Variants in CYP3A4 observed in about 807,000 individuals in gnomAD.
CYP3A4 encodes the protein cytochrome P450 family 3 subfamily A member 4.
A neutral mutation model predicts 54.9 loss-of-function variants in CYP3A4; 41 were observed. The observed-to-expected ratio is 0.75, with a 90% CI of 0.58 to 0.97. The LOEUF is 0.97. CYP3A4 is among the 50% of genes least tolerant of loss of function. The probability of loss-of-function intolerance (pLI) is 0.00; values close to 1 mark genes in which losing one functional copy is unlikely to be tolerated. For missense variants in CYP3A4, 510 were observed against 597.3 expected (o/e 0.85, Z 1.52); for synonymous variants, 179 against 205.2 (o/e 0.87, Z 1.09).
rs1815209410 is a variant in CYP3A4 at position 99,757,653 on chromosome 7, A to G, written c.*480T>C. 1.9e-5 allele frequency: 3 copies of G among 158,968 alleles called. No homozygotes were observed. Among genetic ancestry groups the G allele is most frequent in the African/African-American group, 7.2e-5 (3 of 41,472 alleles). The allele number at this position is 158,968 out of a possible 1,614,324, so 9.8% of individuals were successfully genotyped here. ...ATTCAGTTCTATAGATTTCTCCTTA[A>G]TGTGCAGGAAAGCATCTGATAATAC... On this transcript the variant is annotated 3_prime_UTR_variant, in exon 13 of 13. Transcript: ENST00000651514.
At chr7:99,763,780 T>C (rs1815402983) in intron 10 of CYP3A4, 75 bp downstream of exon 10, 4 of 1,548,306 alleles carry the variant, frequency 2.6e-6, no homozygotes, top group Admixed American at 3.7e-5. Flanking sequence ...ATAAAAATTC[T>C]CCTGGGAAGT....
chr7:99,766,521 T>A (rs1049258190), intron 8 of CYP3A4, 78 bp from the exon 9 acceptor site: 3 of 1,575,976 alleles, frequency 1.9e-6, no homozygotes, highest in Non-Finnish European at 2.6e-6. Context: ...TGGTCCTTGA[T>A]CTCCCTTCTG....
At chr7:99,764,075 G>A (rs773641801) in intron 9 of CYP3A4, 60 bp from the exon 10 acceptor site, 14 of 1,609,084 alleles carry the variant, frequency 8.7e-6, no homozygotes, top group Non-Finnish European at 1.2e-5. Context: ...TCACAGTTTA[G>A]ATGAAGAGAA....
At chr7:99,768,104 G>A (rs1388182546) in intron 7 of CYP3A4, among the ~76,000 whole-genome samples, 1 of 152,168 alleles carries the variant, frequency 6.6e-6, no homozygotes, top group Non-Finnish European at 1.5e-5. Context: ...GAAGCAGAAA[G>A]TTGATTAGTG....
intron 3 of CYP3A4, among the ~76,000 whole-genome samples, chr7:99,775,805 C>T (rs1236314191): frequency 1.3e-5 from 2 of 152,018 alleles, no homozygotes; most frequent in Non-Finnish European, 2.9e-5. Context: ...AAATATAACA[C>T]CAAAAGCAAT....
intron 12 of CYP3A4, among the ~76,000 whole-genome samples, chr7:99,759,424 GCACA>G (rs28988598): frequency 6.6e-6 from 1 of 151,052 alleles, no homozygotes; most frequent in Admixed American, 6.6e-5. Flanking sequence ...GCCCACATGT[GCACA>G]CACACACACA....
At chr7:99,765,822 T>C (rs769297622) in intron 9 of CYP3A4, among the ~76,000 whole-genome samples, 47 of 152,168 alleles carry the variant, frequency 3.1e-4, no homozygotes, top group Non-Finnish European at 6.3e-4. Context: ...AAGTTACTAA[T>C]CCATTCCAAA....
At chr7:99,763,460 G>A (rs1244598947) in intron 10 of CYP3A4, among the ~76,000 whole-genome samples, 2 of 152,102 alleles carry the variant, frequency 1.3e-5, no homozygotes, top group Admixed American at 6.6e-5. Context: ...AAATTCCTGT[G>A]TCCATATGTG....
intron 10 of CYP3A4, among the ~76,000 whole-genome samples, chr7:99,763,395 C>CA (rs4646439): frequency 6.2e-4 from 90 of 146,092 alleles, no homozygotes; most frequent in East Asian, 5.3e-3. Flanking sequence ...TGTTACCTTT[C>CA]AAAAAAAAAA....
At chr7:99,762,744 A>G (rs1337130289) in intron 10 of CYP3A4, among the ~76,000 whole-genome samples, 2 of 152,158 alleles carry the variant, frequency 1.3e-5, no homozygotes, top group Non-Finnish European at 2.9e-5. Flanking sequence ...GGATGTAACC[A>G]GAGAACACGA....
chr7:99,778,335 CCT>C (rs1815827149), intron 2 of CYP3A4, among the ~76,000 whole-genome samples: 1 of 152,146 alleles, frequency 6.6e-6, no homozygotes, highest in South Asian at 2.1e-4. Flanking sequence ...ATACTAAGTA[CCT>C]CTTTGTCTTT....
chr7:99,764,151 G>C, intron 9 of CYP3A4, 136 bp from the exon 10 acceptor site: 1 of 1,311,112 alleles, frequency 7.6e-7, no homozygotes, highest in Non-Finnish European at 1.0e-6. Flanking sequence ...GTACACTGGG[G>C]GTGGTTTCAT....
chr7:99,780,168 G>T, intron 1 of CYP3A4, 83 bp from the exon 2 acceptor site: 1 of 1,352,902 alleles, frequency 7.4e-7, no homozygotes, highest in East Asian at 2.4e-5. Flanking sequence ...TGAGGAACTG[G>T]AATGCTCAAG....
At chr7:99,763,134 T>G (rs774857253) in intron 10 of CYP3A4, among the ~76,000 whole-genome samples, 1 of 152,194 alleles carries the variant, frequency 6.6e-6, no homozygotes, top group Non-Finnish European at 1.5e-5. Flanking sequence ...TGAGTCAGCC[T>G]GCACAGCACA....
chr7:99,760,966 GTTC>G lies in CYP3A4; in HGVS notation c.1266_1268del (p.Lys422del), dbSNP rs1475210798. 4 of 1,613,160 alleles carry G rather than the reference GTTC, an allele frequency of 2.5e-6. No individual in the cohort carries two copies. Among genetic ancestry groups the G allele is most frequent in the Middle Eastern group, 1.7e-4 (1 of 6,058 alleles). The stretch of plus-strand genomic sequence containing the variant: ...ATATGTAAGGATCTATGTTGTCCTT[GTTC>G]TTCTTGCTGAATCTGGTTCCACGTT... On this transcript the variant is annotated inframe_deletion, in exon 12 of 13. Transcript: ENST00000651514.
Position 99,765,471 on chromosome 7 carries a change from TGATAGATA to T in CYP3A4, c.865+898_865+905del, listed in dbSNP as rs145748078. On this transcript the variant is annotated intron_variant, in intron 9 of 12. Coordinates refer to ENST00000651514, the MANE Select transcript of CYP3A4 (RefSeq NM_017460.6). ...AAATGATAGATGATAGATGGATAGA[TGATAGATA>T]GATAGATGATAGATAGATAGATAGA... 1.3e-4 allele frequency among the ~76,000 whole-genome samples: 20 copies of T among 148,810 alleles called. No individual in the cohort carries two copies. In the South Asian group the frequency reaches 3.3e-3, roughly 25 times the overall value.
intron 3 of CYP3A4, 123 bp from the exon 4 acceptor site, chr7:99,772,812 AT>A: frequency 2.0e-6 from 2 of 988,340 alleles, no homozygotes; most frequent in Non-Finnish European, 3.0e-6. Context: ...ATACACAGTA[AT>A]CTTAGGTTCT....
intron 3 of CYP3A4, among the ~76,000 whole-genome samples, chr7:99,775,664 T>C (rs970765781): frequency 1.3e-5 from 2 of 152,198 alleles, no homozygotes; most frequent in African/African-American, 4.8e-5. Context: ...ACTGGACCCC[T>C]TCCTTACACC....
chr7:99,758,271 A>C (rs761268009), intron 12 of CYP3A4, 43 bp from the exon 13 acceptor site: 14 of 1,596,538 alleles, frequency 8.8e-6, no homozygotes, highest in Middle Eastern at 1.9e-4. Flanking sequence ...TTAAATAAAC[A>C]AAAGTAGAAA....
Sources: gnomAD v4.1 joint callset for allele counts (sites outside exome capture counted in the v4.1 genomes callset) on GRCh38, gnomAD v4.1.1 for gene constraint, MANE v1.5 for transcripts, NCBI Gene and HGNC (gene_info 2026-07-23, HGNC 2026-07-21) for gene names.